Variants in HS3ST4 observed in about 807,000 individuals in gnomAD.
HS3ST4 encodes heparan sulfate-glucosamine 3-sulfotransferase 4.
HS3ST4 carries 17 observed loss-of-function variants against 29.2 expected under a neutral mutation model. That is an observed-to-expected ratio of 0.58 (90% CI 0.40 to 0.87). The LOEUF (loss-of-function observed/expected upper bound fraction) is 0.87, where lower values mean the gene tolerates loss of function less well. Ranked by LOEUF, HS3ST4 falls within the 40% of genes least tolerant of loss-of-function variation. The pLI is 0.00. For synonymous variants in HS3ST4, 314 were observed against 285.7 expected (o/e 1.10, Z -1.00); for missense variants, 627 against 634.5 (o/e 0.99, Z 0.13).
At chr16:26,113,124 C>T (rs551655021) in intron 1 of HS3ST4, among the ~76,000 whole-genome samples, 1 of 152,214 alleles carries the variant, frequency 6.6e-6, no homozygotes, top group South Asian at 2.1e-4. Flanking sequence ...TGGATGGGCA[C>T]ACAAGAATTG....
Position 25,692,559 on chromosome 16 carries a change from C to T in HS3ST4, c.142C>T (p.Leu48=). 1 of 1,453,952 alleles carries T rather than the reference C, an allele frequency of 6.9e-7. No homozygotes were observed. 90.1% of individuals were successfully genotyped at this position (1,453,952 alleles called of 1,614,324 possible). A position where few individuals can be genotyped will look rare whatever the true frequency, so the allele number is the denominator to read the frequency against. Residue 48 remains leucine (L), a synonymous_variant, in exon 1 of 2, where the codon CTG becomes TTG. Coordinates refer to ENST00000331351, the MANE Select transcript of HS3ST4 (RefSeq NM_006040.3). The part of the protein sequence containing the change: ...MCTLSLSVTY[L]CYSLLGGSGS... ...CACCTTGTCCCTGTCTGTCACCTACCTGTGCTACAGCCTCCTGGGCGGCTC... is the reference window on the plus strand; with the variant it reads ...CACCTTGTCCCTGTCTGTCACCTACTTGTGCTACAGCCTCCTGGGCGGCTC...
intron 1 of HS3ST4, among the ~76,000 whole-genome samples, chr16:25,760,332 C>G (rs909935133): frequency 6.6e-6 from 1 of 152,074 alleles, no homozygotes; most frequent in East Asian, 1.9e-4. Flanking sequence ...GTGTCCTCAC[C>G]TGGTCATCCA....
At chr16:25,910,369 G>A (rs938733798) in intron 1 of HS3ST4, among the ~76,000 whole-genome samples, 7 of 152,130 alleles carry the variant, frequency 4.6e-5, no homozygotes, top group African/African-American at 1.2e-4. Context: ...AGCCGGGCAC[G>A]GTAGCTGATG....
At chr16:25,758,589 A>T (rs2141605104) in intron 1 of HS3ST4, among the ~76,000 whole-genome samples, 1 of 152,288 alleles carries the variant, frequency 6.6e-6, no homozygotes, top group East Asian at 1.9e-4. Context: ...CTCTACAAGG[A>T]TAAAAAGACC....
At chr16:25,982,545 G>A (rs1040403530) in intron 1 of HS3ST4, among the ~76,000 whole-genome samples, 1 of 152,174 alleles carries the variant, frequency 6.6e-6, no homozygotes, top group Non-Finnish European at 1.5e-5. Flanking sequence ...AAGCTTCAAT[G>A]TTGTCAGGCA....
At chr16:25,778,527 T>G (rs1209013979) in intron 1 of HS3ST4, among the ~76,000 whole-genome samples, 1 of 152,232 alleles carries the variant, frequency 6.6e-6, no homozygotes, top group African/African-American at 2.4e-5. Context: ...GGTGCACATT[T>G]GTTTGGTCCA....
chr16:25,952,832 G>A (rs767648219), intron 1 of HS3ST4, among the ~76,000 whole-genome samples: 44 of 152,126 alleles, frequency 2.9e-4, no homozygotes, highest in African/African-American at 9.7e-4. Flanking sequence ...CATGCAGTAA[G>A]CATTCGATGG....
chr16:25,700,738 A>G (rs368361662), intron 1 of HS3ST4, among the ~76,000 whole-genome samples: 2 of 152,178 alleles, frequency 1.3e-5, no homozygotes, highest in African/African-American at 4.8e-5. Context: ...GCTCCTCTGT[A>G]ACTGTCTTGG....
intron 1 of HS3ST4, among the ~76,000 whole-genome samples, chr16:25,937,720 T>C (rs1220993933): frequency 1.3e-5 from 2 of 152,206 alleles, no homozygotes; most frequent in Non-Finnish European, 2.9e-5. Context: ...AGCTTATGAT[T>C]GGGGCATAGC....
chr16:26,059,746 C>A (rs144424237), intron 1 of HS3ST4, among the ~76,000 whole-genome samples: 1 of 151,876 alleles, frequency 6.6e-6, no homozygotes, highest in Non-Finnish European at 1.5e-5. Context: ...CTTTCAAACG[C>A]GCTAGTATTA....
intron 1 of HS3ST4, among the ~76,000 whole-genome samples, chr16:25,857,910 TCC>T (rs1491403360): frequency 5.9e-4 from 30 of 51,256 alleles, no homozygotes; most frequent in Admixed American, 1.7e-3. Flanking sequence ...CTTCCTTCCT[TCC>T]TTCCTTCCTT....
intron 1 of HS3ST4, among the ~76,000 whole-genome samples, chr16:26,106,469 G>C (rs369325307): frequency 2.0e-5 from 3 of 152,274 alleles, no homozygotes; most frequent in African/African-American, 7.2e-5. Context: ...ACACATGTGC[G>C]TAAGTTGAAG....
chr16:26,091,789 A>G (rs1029015122), intron 1 of HS3ST4, among the ~76,000 whole-genome samples: 2 of 152,190 alleles, frequency 1.3e-5, no homozygotes, highest in Non-Finnish European at 2.9e-5. Context: ...ACTCATAGGG[A>G]ATTCAAAACA....
intron 1 of HS3ST4, among the ~76,000 whole-genome samples, chr16:25,810,627 T>C (rs1967033430): frequency 6.6e-6 from 1 of 152,208 alleles, no homozygotes; most frequent in African/African-American, 2.4e-5. Context: ...GTTTGGTGAG[T>C]ACACATTTAG....
intron 1 of HS3ST4, among the ~76,000 whole-genome samples, chr16:25,909,878 T>A (rs1034984442): frequency 3.9e-5 from 6 of 152,184 alleles, no homozygotes; most frequent in Admixed American, 2.0e-4. Flanking sequence ...AGTTTAGTTT[T>A]GTTTTTTAGA....
intron 1 of HS3ST4, among the ~76,000 whole-genome samples, chr16:25,758,486 G>C (rs1215216943): frequency 6.6e-6 from 1 of 152,094 alleles, no homozygotes; most frequent in Admixed American, 6.5e-5. Flanking sequence ...TTCCATGTGG[G>C]TGTAACTGTC....
intron 1 of HS3ST4, among the ~76,000 whole-genome samples, chr16:25,957,300 G>A (rs1185293847): frequency 2.0e-4 from 30 of 152,300 alleles, no homozygotes; most frequent in Non-Finnish European, 1.3e-4. Context: ...GCAAAGGCCT[G>A]GAAAGGAAAA....
intron 1 of HS3ST4, among the ~76,000 whole-genome samples, chr16:25,757,393 C>T (rs1291774676): frequency 6.6e-6 from 1 of 152,082 alleles, no homozygotes; most frequent in Non-Finnish European, 1.5e-5. Context: ...TTTTATCACA[C>T]TTCACTTTAT....
At chr16:25,779,974 A>G (rs932740767) in intron 1 of HS3ST4, among the ~76,000 whole-genome samples, 7 of 152,204 alleles carry the variant, frequency 4.6e-5, no homozygotes, top group African/African-American at 1.4e-4. Context: ...CGAGGTCCCC[A>G]GGTTGGTTAT....
Sources: allele counts gnomAD v4.1 joint callset (sites outside exome capture counted in the v4.1 genomes callset), GRCh38; gene constraint gnomAD v4.1.1; transcripts MANE v1.5; gene names NCBI Gene and HGNC (gene_info 2026-07-23, HGNC 2026-07-21).